The following SAMD5 variants were observed in gnomAD, a reference collection of about 807,000 sequenced individuals.
The protein encoded by SAMD5 is sterile alpha motif domain-containing protein 5.
In SAMD5, 13 loss-of-function variants were observed where a neutral mutation model predicts 11.3. The observed-to-expected ratio is 1.15, with a 90% CI of 0.75 to 1.83. SAMD5 has a LOEUF of 1.83. Ranked by LOEUF, SAMD5 falls within the 40% of genes most tolerant of loss-of-function variation. The pLI, the probability that SAMD5 is intolerant of heterozygous loss-of-function variation, is 0.00. For missense variants in SAMD5, 255 were observed against 239.1 expected (o/e 1.07, Z -0.44); for synonymous variants, 129 against 111.3 (o/e 1.16, Z -1.00).
At chr6:147,663,571 A>C (rs1583129852) in intron 1 of SAMD5, among the ~76,000 whole-genome samples, 1 of 151,842 alleles carries the variant, frequency 6.6e-6, no homozygotes, top group Admixed American at 6.6e-5. Context: ...GATCACCTGA[A>C]GTCAGGAGTT....
chr6:147,715,134 GGCTAGTGGT>G (rs1791449096), intron 1 of SAMD5, among the ~76,000 whole-genome samples: 2 of 152,182 alleles, frequency 1.3e-5, no homozygotes, highest in South Asian at 4.1e-4. Context: ...AAAGTTCTGT[GGCTAGTGGT>G]GCCTTTGCCC....
chr6:147,762,569 T>C, the SAMD5 span, among the ~76,000 whole-genome samples: 2 of 152,182 alleles, frequency 1.3e-5, no homozygotes, highest in African/African-American at 2.4e-5. Context: ...TAATTGCTGC[T>C]AGTAAAAAGT....
At chr6:147,546,530 CAA>C (rs752623961) in intron 1 of SAMD5, among the ~76,000 whole-genome samples, 1 of 112,202 alleles carries the variant, frequency 8.9e-6, no homozygotes. Context: ...AACTCTGTCT[CAA>C]AAAAAAAAAA....
At chr6:147,834,228 T>A in the SAMD5 span, among the ~76,000 whole-genome samples, 22 of 152,114 alleles carry the variant, frequency 1.4e-4, no homozygotes, top group Non-Finnish European at 2.9e-5. Context: ...TCATCTCATA[T>A]GAGTTATAGC....
chr6:147,758,186 A>G, the SAMD5 span, among the ~76,000 whole-genome samples: 8 of 152,198 alleles, frequency 5.3e-5, no homozygotes, highest in Admixed American at 3.3e-4. Flanking sequence ...TCCTTTAGTT[A>G]TTAAAAAGTG....
intron 1 of SAMD5, among the ~76,000 whole-genome samples, chr6:147,653,498 A>G (rs1790521883): frequency 2.0e-5 from 3 of 152,194 alleles, no homozygotes; most frequent in Admixed American, 1.3e-4. Flanking sequence ...TGCTTTATAT[A>G]TGCTTTGTGC....
intron 1 of SAMD5, among the ~76,000 whole-genome samples, chr6:147,736,424 T>G (rs1791805960): frequency 6.6e-6 from 1 of 152,190 alleles, no homozygotes; most frequent in Non-Finnish European, 1.5e-5. Flanking sequence ...TGAAATATCA[T>G]AAATCGAGAA....
chr6:147,758,264 C>T, the SAMD5 span, among the ~76,000 whole-genome samples: 1 of 152,244 alleles, frequency 6.6e-6, no homozygotes, highest in Non-Finnish European at 1.5e-5. Context: ...TGTCATGATC[C>T]ATACACAGAC....
At chr6:147,761,037 A>C in the SAMD5 span, among the ~76,000 whole-genome samples, 1 of 152,230 alleles carries the variant, frequency 6.6e-6, no homozygotes, top group Non-Finnish European at 1.5e-5. Flanking sequence ...AGCAGTTTTC[A>C]TACATGTAAA....
At chr6:147,939,757 T>A in the SAMD5 span, among the ~76,000 whole-genome samples, 1 of 151,992 alleles carries the variant, frequency 6.6e-6, no homozygotes, top group East Asian at 1.9e-4. Context: ...GTTCCCACCT[T>A]TCCAGAGGCA....
chr6:147,896,123 G>C, the SAMD5 span, among the ~76,000 whole-genome samples: 4 of 152,248 alleles, frequency 2.6e-5, no homozygotes, highest in South Asian at 8.3e-4. Context: ...TGAGGACTTT[G>C]GGGAACTTTG....
At chr6:147,532,051 C>A (rs983785154) in intron 1 of SAMD5, among the ~76,000 whole-genome samples, 6 of 152,068 alleles carry the variant, frequency 3.9e-5, no homozygotes, top group African/African-American at 1.4e-4. Context: ...TACCAGAAAA[C>A]AAATGTTTGT....
At chr6:147,727,180 C>G (rs1255923611) in intron 1 of SAMD5, among the ~76,000 whole-genome samples, 1 of 152,192 alleles carries the variant, frequency 6.6e-6, no homozygotes, top group Non-Finnish European at 1.5e-5. Flanking sequence ...GTTCCAACCA[C>G]AGGGAATCAT....
chr6:147,543,830 C>A (rs938667068), intron 1 of SAMD5, among the ~76,000 whole-genome samples: 2 of 152,006 alleles, frequency 1.3e-5, no homozygotes, highest in African/African-American at 4.8e-5. Flanking sequence ...GCGGTCAGGT[C>A]TAGATATGAG....
intron 1 of SAMD5, among the ~76,000 whole-genome samples, chr6:147,534,404 A>G (rs1218639184): frequency 6.6e-6 from 1 of 152,140 alleles, no homozygotes; most frequent in Non-Finnish European, 1.5e-5. Flanking sequence ...GACTGTAACC[A>G]CCCAAGGGCT....
At chr6:147,698,650 AT>A (rs1161745213) in intron 1 of SAMD5, among the ~76,000 whole-genome samples, 1 of 152,270 alleles carries the variant, frequency 6.6e-6, no homozygotes, top group Admixed American at 6.5e-5. Context: ...AGGATCTACC[AT>A]GTCCCCAGCA....
At chr6:147,564,278 G>A (rs1017975993) in intron 1 of SAMD5, 116 bp from the exon 2 acceptor site, 21 of 670,178 alleles carry the variant, frequency 3.1e-5, no homozygotes, top group African/African-American at 1.3e-4. Flanking sequence ...AAAAGTCCAT[G>A]TGGTAAGCAG....
chr6:147,919,231 G>A, the SAMD5 span, among the ~76,000 whole-genome samples: 1 of 152,176 alleles, frequency 6.6e-6, no homozygotes, highest in East Asian at 1.9e-4. Context: ...TAATGTGTGA[G>A]CCAAGCCTCT....
At chr6:147,635,853 GAAGGTCACTCA>G (rs1204205115) in intron 1 of SAMD5, among the ~76,000 whole-genome samples, 7 of 152,318 alleles carry the variant, frequency 4.6e-5, no homozygotes, top group Non-Finnish European at 8.8e-5. Flanking sequence ...CTTTCAACCT[GAAGGTCACTCA>G]AATCAGCTCA....
Sources: gnomAD v4.1 joint callset for allele counts (sites outside exome capture counted in the v4.1 genomes callset) on GRCh38, gnomAD v4.1.1 for gene constraint, MANE v1.5 for transcripts, NCBI Gene and HGNC (gene_info 2026-07-23, HGNC 2026-07-21) for gene names.